The following RTN3 variants were observed in gnomAD, a reference collection of about 807,000 sequenced individuals.
RTN3 encodes reticulon 3.
A neutral mutation model predicts 77.8 loss-of-function variants in RTN3; 49 were observed. The observed-to-expected ratio is 0.63, with a 90% confidence interval of 0.50 to 0.80. The LOEUF (loss-of-function observed/expected upper bound fraction) is 0.80. Ranked by LOEUF, RTN3 falls within the 30% of genes least tolerant of loss-of-function variation. RTN3 has a pLI of 0.00. For missense variants in RTN3, 1,236 were observed against 1,211.9 expected (o/e 1.02, Z -0.29); for synonymous variants, 464 against 446.9 (o/e 1.04, Z -0.48).
At chr11:63,753,601 AG>A in intron 6 of RTN3, 60 bp from the exon 7 acceptor site, 1 of 1,418,880 alleles carries the variant, frequency 7.0e-7, no homozygotes, top group Non-Finnish European at 9.9e-7. Flanking sequence ...TGTTACTCTG[AG>A]TCTTAAGATG....
intron 6 of RTN3, 28 bp from the exon 7 acceptor site, chr11:63,753,634 T>C (rs868528856): frequency 6.2e-7 from 1 of 1,607,570 alleles, no homozygotes; most frequent in Middle Eastern, 1.7e-4. Context: ...CATATACACT[T>C]GCCATGTCCC....
intron 1 of RTN3, among the ~76,000 whole-genome samples, chr11:63,688,004 G>C (rs7928900): frequency 0.11 from 16,644 of 152,180 alleles, 1,030 homozygotes; most frequent in South Asian, 0.16. Context: ...GAGGTAGAGG[G>C]AGGAGTCAAG....
In RTN3 at chr11:63,719,427, G is replaced by A. The variant is rs1303239427; in HGVS notation, c.925G>A (p.Ala309Thr). 1.2e-6 allele frequency: 2 copies of A among 1,614,100 alleles called. No homozygotes were observed. The highest frequency in any genetic ancestry group is 3.3e-5 in the Admixed American group (2 of 59,996). ...NKEAGRYPMS[A>T]LLSRQFSHTN... ...AGAGGCAGGACGTTACCCAATGTCT[G>A]CATTGCTCAGTAGGCAGTTTTCACA... Residue 309 changes from alanine (A) to threonine (T), a missense_variant, in exon 3 of 9, where the codon GCA (alanine) becomes ACA (threonine). Ala to Thr is a moderately conservative substitution (Grantham distance 58, BLOSUM62 0). Transcript: ENST00000377819.
chr11:63,743,325 A>G (rs1009994610), intron 3 of RTN3, among the ~76,000 whole-genome samples: 7 of 152,128 alleles, frequency 4.6e-5, no homozygotes, highest in Non-Finnish European at 8.8e-5. Flanking sequence ...CTGGTAGATT[A>G]CCTTTATCAA....
intron 1 of RTN3, among the ~76,000 whole-genome samples, chr11:63,684,527 A>G (rs896883782): frequency 1.3e-5 from 2 of 151,772 alleles, no homozygotes; most frequent in Non-Finnish European, 2.9e-5. Flanking sequence ...TCCTGGCCTC[A>G]TGTGATCTGC....
chr11:63,759,731 T>G lies in RTN3; in HGVS notation c.*1530T>G, dbSNP rs988053901. 3 of 152,460 alleles carry G rather than the reference T, an allele frequency of 2.0e-5. No individual in the cohort carries two copies. Among genetic ancestry groups the G allele is most frequent in the African/African-American group, 7.3e-5 (3 of 41,350 alleles). 9.4% of individuals were successfully genotyped at this position (152,460 alleles called of 1,614,324 possible). On this transcript the variant is annotated 3_prime_UTR_variant, in exon 9 of 9. Transcript: ENST00000377819. The stretch of plus-strand genomic sequence containing the variant: ...TGTGCCACACAGGATTTTTTTTTTT[T>G]TTTAAGAAAAACCTATAGATGAAAA...
At chr11:63,695,809 T>C (rs1428891700) in intron 1 of RTN3, among the ~76,000 whole-genome samples, 3 of 151,892 alleles carry the variant, frequency 2.0e-5, no homozygotes, top group Non-Finnish European at 1.5e-5. Context: ...GATGACAAAA[T>C]GTGATATGGT....
intron 1 of RTN3, among the ~76,000 whole-genome samples, chr11:63,691,449 G>T (rs548142428): frequency 1.3e-5 from 2 of 152,048 alleles, no homozygotes; most frequent in East Asian, 3.9e-4. Flanking sequence ...TAGAGACGAG[G>T]TCTCACTATG....
Position 63,719,138 on chromosome 11 carries a change from A to G in RTN3, c.636A>G (p.Lys212=). 6.2e-7 allele frequency: 1 copy of G among 1,614,196 alleles called. No individual in the cohort carries two copies. Among genetic ancestry groups the G allele is most frequent in the Non-Finnish European group, 8.5e-7 (1 of 1,180,030 alleles). The change falls in exon 3 of 9, where the codon AAA becomes AAG. Residue 212 remains lysine, a synonymous_variant. Transcript: ENST00000377819. ...GATTCACTTTGCTGACAGCCCAGAAACCACCTACTGAGTACTCTAAGGTAG... is the reference window on the plus strand; with the variant it reads ...GATTCACTTTGCTGACAGCCCAGAAGCCACCTACTGAGTACTCTAAGGTAG... ...DDRFTLLTAQ[K]PPTEYSKVEG... is the part of the protein sequence containing the mutation.
chr11:63,727,193 T>C (rs2012347143), intron 3 of RTN3, among the ~76,000 whole-genome samples: 1 of 152,130 alleles, frequency 6.6e-6, no homozygotes, highest in African/African-American at 2.4e-5. Flanking sequence ...ATTTATTACA[T>C]GTTAAAACAA....
chr11:63,734,734 A>AACACAC (rs754454322), intron 3 of RTN3, among the ~76,000 whole-genome samples: 4,735 of 81,182 alleles, frequency 0.058, 175 homozygotes, highest in African/African-American at 0.11. Flanking sequence ...TCTGTCTCAA[A>AACACAC]ACACACACAC....
intron 3 of RTN3, among the ~76,000 whole-genome samples, chr11:63,742,528 C>G (rs1360686812): frequency 1.3e-5 from 2 of 151,758 alleles, no homozygotes; most frequent in African/African-American, 4.8e-5. Context: ...GCCTGTAATC[C>G]CAGCTACTTT....
At chr11:63,757,548 G>A (rs1446197017) in intron 8 of RTN3, among the ~76,000 whole-genome samples, 1 of 151,634 alleles carries the variant, frequency 6.6e-6, no homozygotes, top group Non-Finnish European at 1.5e-5. Context: ...TATAGAGATG[G>A]GGGTCTCACT....
intron 1 of RTN3, among the ~76,000 whole-genome samples, chr11:63,683,811 ATG>A (rs1941193922): frequency 2.6e-5 from 4 of 152,192 alleles, no homozygotes; most frequent in South Asian, 4.1e-4. Context: ...TGCTGAAATT[ATG>A]TGTTTTGTCG....
intron 1 of RTN3, among the ~76,000 whole-genome samples, chr11:63,704,537 A>T (rs1942402674): frequency 6.6e-6 from 1 of 152,180 alleles, no homozygotes; most frequent in African/African-American, 2.4e-5. Context: ...GTAGCAGAGC[A>T]GCAGCATCTG....
intron 3 of RTN3, among the ~76,000 whole-genome samples, chr11:63,736,972 CCT>C (rs2013164704): frequency 6.8e-6 from 1 of 147,978 alleles, no homozygotes; most frequent in African/African-American, 2.5e-5. Flanking sequence ...ATCATAGAAT[CCT>C]TTTTTTTTTT....
chr11:63,685,495 CA>C (rs55888863), intron 1 of RTN3, among the ~76,000 whole-genome samples: 1 of 115,658 alleles, frequency 8.6e-6, no homozygotes, highest in Non-Finnish European at 1.7e-5. Context: ...GACTCCATCT[CA>C]AAAAAAAAAA....
At chr11:63,734,662 G>A (rs2134981688) in intron 3 of RTN3, among the ~76,000 whole-genome samples, 1 of 151,914 alleles carries the variant, frequency 6.6e-6, no homozygotes, top group East Asian at 1.9e-4. Context: ...AACCCAGGAG[G>A]CGGAGGTTGC....
At chr11:63,701,005 G>A (rs1190995945) in intron 1 of RTN3, among the ~76,000 whole-genome samples, 7 of 150,294 alleles carry the variant, frequency 4.7e-5, no homozygotes, top group Non-Finnish European at 8.9e-5. Flanking sequence ...CAGGAGAATC[G>A]CATGAACCCA....
Sources: gnomAD v4.1 joint callset for allele counts (sites outside exome capture counted in the v4.1 genomes callset) on GRCh38, gnomAD v4.1.1 for gene constraint, MANE v1.5 for transcripts, NCBI Gene and HGNC (gene_info 2026-07-23, HGNC 2026-07-21) for gene names.